NEK10: variants seen among roughly 807,000 people sequenced by gnomAD.
NEK10 encodes the protein NIMA related kinase 10, also known as serine/threonine-protein kinase Nek10.
Under a neutral mutation model 159.8 loss-of-function variants are expected in NEK10, and 122 were observed. That is an observed-to-expected ratio of 0.76 (90% CI 0.66 to 0.89). The LOEUF (loss-of-function observed/expected upper bound fraction) is 0.89, where lower values mean the gene tolerates loss of function less well. Among genes scored for constraint, NEK10 ranks in the 40% least tolerant of loss-of-function variants. The pLI, the probability that NEK10 is intolerant of heterozygous loss-of-function variation, is 0.00. For synonymous variants in NEK10, 466 were observed against 457.1 expected (o/e 1.02, Z -0.25); for missense variants, 1,342 against 1,323.1 (o/e 1.01, Z -0.22).
At chr3:27,327,213 T>G (rs2046066456) in intron 5 of NEK10, among the ~76,000 whole-genome samples, 1 of 152,144 alleles carries the variant, frequency 6.6e-6, no homozygotes, top group African/African-American at 2.4e-5. Flanking sequence ...GAAGAGAAAG[T>G]GACTCTGCAG....
Position 27,279,329 on chromosome 3 carries a change from C to T in NEK10, c.2014+5273G>A, listed in dbSNP as rs555541346. On this transcript the variant is annotated intron_variant, in intron 22 of 35. Transcript: ENST00000691995. The stretch of plus-strand genomic sequence containing the variant: ...TTCTGGAAGTAAATAAACCTTCTAG[C>T]GCAAGCAAAGAGAAAAATAAAACAT... 9.2e-5 allele frequency among the ~76,000 whole-genome samples: 14 copies of T among 152,248 alleles called. No individual in the cohort carries two copies. In the South Asian group the frequency reaches 1.7e-3, roughly 18 times the overall value.
At chr3:27,282,559 T>TATATATATATATATACAC (rs1244802639) in intron 22 of NEK10, among the ~76,000 whole-genome samples, 1 of 86,902 alleles carries the variant, frequency 1.2e-5, no homozygotes, top group African/African-American at 5.3e-5. Flanking sequence ...TATATATATA[T>TATATATATATATATACAC]ACATAACTGT....
At chr3:27,280,950 C>CAT (rs376043957) in intron 22 of NEK10, among the ~76,000 whole-genome samples, 2,710 of 136,330 alleles carry the variant, frequency 0.02, 42 homozygotes, top group East Asian at 0.06. Flanking sequence ...TATGTATATG[C>CAT]ATATATATAT....
intron 14 of NEK10, among the ~76,000 whole-genome samples, chr3:27,296,738 A>C (rs2043382561): frequency 6.6e-6 from 1 of 152,170 alleles, no homozygotes; most frequent in Non-Finnish European, 1.5e-5. Flanking sequence ...TAGATTAATT[A>C]GTGGATTATA....
At chr3:27,249,720 T>C (rs989793963) in intron 23 of NEK10, among the ~76,000 whole-genome samples, 3 of 152,174 alleles carry the variant, frequency 2.0e-5, no homozygotes, top group African/African-American at 7.2e-5. Flanking sequence ...TTACATTCAA[T>C]GTTATTATTG....
intron 22 of NEK10, among the ~76,000 whole-genome samples, chr3:27,274,232 G>A (rs1040624360): frequency 6.6e-6 from 1 of 152,100 alleles, no homozygotes; most frequent in African/African-American, 2.4e-5. Context: ...TTTCTCAACA[G>A]CATCATTATT....
At chr3:27,305,013 T>C (rs2044126637) in intron 11 of NEK10, 42 bp from the exon 12 acceptor site, 1 of 1,180,924 alleles carries the variant, frequency 8.5e-7, no homozygotes, top group Non-Finnish European at 1.3e-6. Flanking sequence ...CACAGCATCA[T>C]GAGTTGATTA....
chr3:27,205,935 G>C (rs543761216), intron 23 of NEK10, among the ~76,000 whole-genome samples: 172 of 149,698 alleles, frequency 1.1e-3, no homozygotes, highest in Non-Finnish European at 1.8e-3. Flanking sequence ...TACAAAATGG[G>C]AGAAAATTTT....
intron 1 of NEK10, among the ~76,000 whole-genome samples, chr3:27,360,736 A>G (rs1427187530): frequency 1.3e-5 from 2 of 152,184 alleles, no homozygotes; most frequent in East Asian, 3.9e-4. Flanking sequence ...CTCATGTGAA[A>G]TATGTAGGTG....
Position 27,315,436 on chromosome 3 carries a change from T to C in NEK10, c.448-1098A>G, listed in dbSNP as rs1308676040. Among the ~76,000 whole-genome samples the C allele has an allele frequency of 3.3e-5, 5 of 152,286 alleles. No homozygotes were observed. The East Asian group carries it at 9.7e-4, about 29-fold the overall frequency. ...ATCTAAATTAAATTTTAAAAGAACA[T>C]TTAGAACTCAATTAAAAATAGTTCT... On this transcript the variant is annotated intron_variant, in intron 6 of 35. Transcript: ENST00000691995.
intron 35 of NEK10, among the ~76,000 whole-genome samples, chr3:27,112,085 T>G (rs111867639): frequency 0.012 from 1,868 of 152,328 alleles, 36 homozygotes; most frequent in African/African-American, 0.042. Flanking sequence ...AGGTCCTTGC[T>G]GCTCTTTCTG....
chr3:27,140,661 G>T (rs1943693442), intron 31 of NEK10, among the ~76,000 whole-genome samples: 2 of 152,074 alleles, frequency 1.3e-5, no homozygotes, highest in South Asian at 4.1e-4. Flanking sequence ...TATTTAGTTG[G>T]AATTGCCAAA....
chr3:27,310,818 C>T (rs541391368), intron 9 of NEK10, 131 bp downstream of exon 9: 2 of 536,946 alleles, frequency 3.7e-6, no homozygotes, highest in Non-Finnish European at 6.6e-6. Flanking sequence ...CAAAGATCCA[C>T]AATCTCAGGC....
rs138314813 is a variant in NEK10, at chr3:27,281,337, G to C, written c.2014+3265C>G. On this transcript the variant is annotated intron_variant, in intron 22 of 35. Transcript: ENST00000691995. Reference sequence around the variant, plus strand: ...TTAAATTTTAAGTCTCCAGATTGAAGAGCACACGTGGCTACAGACACATTG... The same window carrying C: ...TTAAATTTTAAGTCTCCAGATTGAACAGCACACGTGGCTACAGACACATTG... Among the ~76,000 whole-genome samples, 673 of 152,110 alleles carry C rather than the reference G, an allele frequency of 4.4e-3. 2 individuals carry two copies. The highest frequency in any genetic ancestry group is 0.015 in the African/African-American group (619 of 41,492).
intron 6 of NEK10, among the ~76,000 whole-genome samples, chr3:27,321,237 A>C (rs188574566): frequency 7.7e-4 from 117 of 152,308 alleles, no homozygotes; most frequent in African/African-American, 2.8e-3. Context: ...TTGCTACTCA[A>C]AGTATGGGCC....
rs2125379783 is a variant in NEK10 at position 27,108,005 on chromosome 3, C to T, written c.*3267G>A. Among the ~76,000 whole-genome samples, 1 of 152,282 alleles carries T rather than the reference C, an allele frequency of 6.6e-6. No homozygotes were observed. Among genetic ancestry groups the T allele is most frequent in the East Asian group, 1.9e-4 (1 of 5,188 alleles). Reference sequence around the variant, plus strand: ...TGATAAAATTCACTAGCCAATATTACAGTCTTCACACATCTTAAAAATGAG... The same window carrying T: ...TGATAAAATTCACTAGCCAATATTATAGTCTTCACACATCTTAAAAATGAG... On this transcript the variant is annotated 3_prime_UTR_variant, in exon 36 of 36. Transcript: ENST00000691995.
chr3:27,163,699 G>T (rs1946231863), intron 29 of NEK10, among the ~76,000 whole-genome samples: 1 of 152,052 alleles, frequency 6.6e-6, no homozygotes, highest in South Asian at 2.1e-4. Flanking sequence ...AGAAACATCT[G>T]TGCCCTGACA....
chr3:27,230,014 G>A (rs62256311), intron 23 of NEK10, among the ~76,000 whole-genome samples: 29,095 of 151,928 alleles, frequency 0.19, 2,835 homozygotes, highest in Non-Finnish European at 0.22. Context: ...CAAGAAGCTC[G>A]AAGAACTCCT....
chr3:27,152,399 C>G (rs1944970832), intron 30 of NEK10, among the ~76,000 whole-genome samples: 1 of 152,114 alleles, frequency 6.6e-6, no homozygotes, highest in Admixed American at 6.5e-5. Context: ...AACTAAGCAT[C>G]ATATATGAAG....
Sources: gnomAD v4.1 joint callset for allele counts (sites outside exome capture counted in the v4.1 genomes callset) on GRCh38, gnomAD v4.1.1 for gene constraint, MANE v1.5 for transcripts, NCBI Gene and HGNC (gene_info 2026-07-23, HGNC 2026-07-21) for gene names.